Variants in ZFR2 observed in about 807,000 individuals in gnomAD.
ZFR2 encodes zinc finger RNA binding protein 2.
A neutral mutation model predicts 105.7 loss-of-function variants in ZFR2; 104 were observed. The observed-to-expected ratio is 0.98, with a 90% CI of 0.84 to 1.16. The LOEUF (loss-of-function observed/expected upper bound fraction) is 1.16, where lower values mean the gene tolerates loss of function less well. Ranked by LOEUF, ZFR2 falls within the 50% of genes most tolerant of loss-of-function variation. ZFR2 has a pLI of 0.00. For synonymous variants in ZFR2, 634 were observed against 597.7 expected, an observed-to-expected ratio of 1.06 and a Z score of -0.89; for missense variants, 1,425 against 1,355.5, an observed-to-expected ratio of 1.05 and a Z score of -0.80.
In ZFR2 at chr19:3,834,023, T is replaced by G. The variant is rs997060043; in HGVS notation, c.265-245A>C. 2.0e-5 allele frequency among the ~76,000 whole-genome samples: 3 copies of G among 152,112 alleles called. No homozygotes were observed. Among genetic ancestry groups the G allele is most frequent in the Non-Finnish European group, 4.4e-5 (3 of 68,004 alleles). On this transcript the variant is annotated intron_variant, in intron 2 of 18. Coordinates refer to ENST00000262961, the MANE Select transcript of ZFR2 (RefSeq NM_015174.2). This position sits in a 1 kb window ranked among gnomAD's most constrained non-coding sequence, Gnocchi z 5.3. The stretch of plus-strand genomic sequence containing the variant: ...CGACACTAATTTCCAAGAGTTCGAC[T>G]GCAATTTACAAGAGGACGCTTGGTG...
In ZFR2 at chr19:3,805,959, C is replaced by T; in HGVS notation, c.2810G>A (p.Gly937Glu). 6.5e-7 allele frequency: 1 copy of T among 1,535,070 alleles called. No individual in the cohort carries two copies. The change falls in exon 19 of 19, where the codon GGG (glycine) becomes GAG (glutamate). Residue 937 changes from glycine (G) to glutamate (E), a missense_variant. Coordinates refer to ENST00000262961, the MANE Select transcript of ZFR2 (RefSeq NM_015174.2). ...GGGGAGGTAGGCGGCTCACACGAGC[C>T]CCTCTCCGCCCCGCCGGCCCCGCTT... The part of the protein sequence containing the change: ...EKKRGRRGGE[G>E]LV
chr19:3,863,037 C>T (rs77033072), intron 1 of ZFR2, among the ~76,000 whole-genome samples: 4,067 of 152,270 alleles, frequency 0.027, 169 homozygotes, highest in African/African-American at 0.093. Context: ...CCCAAGGTGG[C>T]GACATCGGAC....
rs1194241648 is a variant in ZFR2, at chr19:3,806,009, C to G, written c.2760G>C (p.Glu920Asp). Reference protein sequence around the residue: ...RFRKRQRGPGEGEEGAGEKKR... With the variant: ...RFRKRQRGPGDGEEGAGEKKR... ...TCTTCTCCCCTGCGCCCTCCTCTCC[C>G]TCGCCAGGTCCCCGTTGCCTCTTCC... is the stretch of plus-strand genomic sequence containing the variant. Residue 920 changes from glutamate (E) to aspartate (D), a missense_variant, in exon 19 of 19, where the codon GAG (glutamate) becomes GAC (aspartate). Physicochemically the swap from Glu to Asp is conservative, Grantham distance 45. Transcript: ENST00000262961. 7 of 1,546,894 alleles carry G rather than the reference C, an allele frequency of 4.5e-6. No homozygotes were observed. The highest frequency in any genetic ancestry group is 6.1e-6 in the Non-Finnish European group (7 of 1,147,998).
At chr19:3,843,169 C>T (rs1455296809) in intron 1 of ZFR2, among the ~76,000 whole-genome samples, 10 of 152,316 alleles carry the variant, frequency 6.6e-5, no homozygotes, top group South Asian at 2.1e-4. Context: ...GCAACCCAAC[C>T]GTCCATCAGT....
chr19:3,822,339 G>T (rs2145148846), intron 8 of ZFR2, 139 bp from the exon 9 acceptor site: 2 of 1,381,130 alleles, frequency 1.4e-6, no homozygotes, highest in South Asian at 2.8e-5. Flanking sequence ...ACAGCGTCTT[G>T]CTGTGTCACC....
intron 1 of ZFR2, chr19:3,855,529 C>G: frequency 9.2e-7 from 1 of 1,092,592 alleles, no homozygotes; most frequent in East Asian, 3.2e-5. Context: ...CGGGGAATAA[C>G]CAGACCAAAG....
chr19:3,811,484 T>A, intron 14 of ZFR2, 118 bp from the exon 15 acceptor site: 4 of 866,836 alleles, frequency 4.6e-6, no homozygotes, highest in Non-Finnish European at 7.0e-6. Flanking sequence ...AGACACAGTT[T>A]CACTGTGTCA....
At chr19:3,821,602 GC>G in intron 9 of ZFR2, 123 bp from the exon 10 acceptor site, 1 of 450,104 alleles carries the variant, frequency 2.2e-6, no homozygotes, top group South Asian at 6.8e-5. Context: ...ATCTCCCAAA[GC>G]CTTTTTTTTT....
chr19:3,825,374 T>C lies in ZFR2; in HGVS notation c.1069A>G (p.Ile357Val), dbSNP rs2037938158. 2 of 1,589,044 alleles carry C rather than the reference T, an allele frequency of 1.3e-6. No homozygotes were observed. The highest frequency in any genetic ancestry group is 2.3e-5 in the South Asian group (2 of 87,404). ...GCCAGTGCAGGCTCGAGGGTGGGAATGGGCTTCCCCAGTTTGGCGTGCAGC... is the reference window on the plus strand; with the variant it reads ...GCCAGTGCAGGCTCGAGGGTGGGAACGGGCTTCCCCAGTTTGGCGTGCAGC... ...FKLHAKLGKP[I>V]PTLEPALATE... is the part of the protein sequence containing the mutation. Residue 357 changes from isoleucine to valine, a missense_variant, in exon 7 of 19, where the codon ATT (isoleucine) becomes GTT (valine). Transcript: ENST00000262961.
In ZFR2 at chr19:3,825,499, G is replaced by A. The variant is rs1008598949; in HGVS notation, c.1036-92C>T. On this transcript the variant is annotated intron_variant, in intron 6 of 18. Transcript: ENST00000262961. ...CAGGAAGGGCCTCCACGGGCGTGCA[G>A]CGCGAGTGTGGGCTGGCCGGTCCCA... The A allele has an allele frequency of 1.9e-5, 28 of 1,470,330 alleles. 2 individuals carry two copies. The South Asian group carries it at 3.6e-4, about 19-fold the overall frequency. The allele number at this position is 1,470,330 out of a possible 1,614,324, so 91.1% of individuals were successfully genotyped here.
intron 1 of ZFR2, among the ~76,000 whole-genome samples, chr19:3,854,789 G>C (rs1303140790): frequency 2.0e-5 from 3 of 152,088 alleles, no homozygotes; most frequent in Non-Finnish European, 4.4e-5. Flanking sequence ...TAAGAGACAG[G>C]GTCTCGCTCT....
chr19:3,811,458 CG>C (rs201194156), intron 14 of ZFR2, 92 bp from the exon 15 acceptor site: 54,859 of 998,764 alleles, frequency 0.055, 367 homozygotes, highest in East Asian at 0.089. Flanking sequence ...GGCCCCTCGA[CG>C]CTTTTTTTTT....
chr19:3,827,034 G>A (rs1446587157), intron 6 of ZFR2, among the ~76,000 whole-genome samples: 2 of 152,034 alleles, frequency 1.3e-5, no homozygotes, highest in Non-Finnish European at 2.9e-5. Flanking sequence ...TTGAGGTCAG[G>A]AGTTCGAGAC....
At position 3,819,284 on chromosome 19, in the gene ZFR2, G is replaced by C. The variant is rs142757955; in HGVS notation, c.1741-49C>G. On this transcript the variant is annotated intron_variant, in intron 11 of 18. Coordinates refer to ENST00000262961, the MANE Select transcript of ZFR2 (RefSeq NM_015174.2). ...CAAGGGTGGTCTGTGGGGACCCTTG[G>C]GGAGTGCTGGGCAGGCGGGCAGGTG... 2,935 of 1,431,648 alleles carry C rather than the reference G, an allele frequency of 2.1e-3. 4 individuals carry two copies. The highest frequency in any genetic ancestry group is 4.1e-3 in the South Asian group (283 of 69,244). 88.7% of individuals were successfully genotyped at this position (1,431,648 alleles called of 1,614,324 possible). A position where few individuals can be genotyped will look rare whatever the true frequency, so the allele number is the denominator to read the frequency against.
chr19:3,812,169 C>T (rs1170308375), intron 14 of ZFR2, among the ~76,000 whole-genome samples: 1 of 152,140 alleles, frequency 6.6e-6, no homozygotes. Context: ...ATCTCGAACC[C>T]CTCACCTCAG....
intron 1 of ZFR2, among the ~76,000 whole-genome samples, chr19:3,849,133 C>T (rs1408111375): frequency 6.6e-6 from 1 of 152,216 alleles, no homozygotes; most frequent in East Asian, 1.9e-4. Context: ...GAGACCTTGC[C>T]CCTCCAACCT....
intron 1 of ZFR2, among the ~76,000 whole-genome samples, chr19:3,851,125 C>T (rs947900036): frequency 1.3e-5 from 2 of 151,968 alleles, no homozygotes; most frequent in African/African-American, 4.8e-5. Context: ...GAAGCCCCAG[C>T]CGACCAAGAC....
In ZFR2 at chr19:3,811,336, T is replaced by C. The variant is rs1160656782; in HGVS notation, c.2273A>G (p.Asp758Gly). 18 of 1,603,018 alleles carry C rather than the reference T, an allele frequency of 1.1e-5. No homozygotes were observed. Among genetic ancestry groups the C allele is most frequent in the Non-Finnish European group, 1.5e-5 (18 of 1,175,542 alleles). ...GAGGCACTTCTTGGGGCTCAGGACA[T>C]CACCTGCATCAGCCTGAGGCTCCTC... ...GVEEPQADAG[D>G]VLSPKKCLES... The change falls in exon 15 of 19, where the codon GAT (aspartate) becomes GGT (glycine). Residue 758 changes from aspartate (D) to glycine (G), a missense_variant. Coordinates refer to ENST00000262961, the MANE Select transcript of ZFR2 (RefSeq NM_015174.2).
Position 3,834,773 on chromosome 19 carries a change from C to T in ZFR2, c.264G>A (p.Gln88=), listed in dbSNP as rs368376498. 1.2e-6 allele frequency: 2 copies of T among 1,611,506 alleles called. No individual in the cohort carries two copies. The highest frequency in any genetic ancestry group is 2.7e-5 in the African/African-American group (2 of 74,896). Residue 88 remains glutamine, a splice_region_variant and synonymous_variant, in exon 2 of 19, where the codon CAG becomes CAA. Coordinates refer to ENST00000262961, the MANE Select transcript of ZFR2 (RefSeq NM_015174.2). This position sits in a 1 kb window ranked among gnomAD's most constrained non-coding sequence, Gnocchi z 5.3. Reference sequence around the variant, plus strand: ...GCTGGTCAAAGAAAGGACTGGATACCTGGTAGGTAGCCATGGTGGTGGCCG... The same window carrying T: ...GCTGGTCAAAGAAAGGACTGGATACTTGGTAGGTAGCCATGGTGGTGGCCG... The part of the protein sequence containing the change: ...VPTATTMATY[Q]DSYSYGQSAA...
Sources: gnomAD v4.1 joint callset for allele counts (sites outside exome capture counted in the v4.1 genomes callset) on GRCh38, gnomAD v4.1.1 for gene constraint, Gnocchi (gnomAD v3.1) non-coding constraint, MANE v1.5 for transcripts, NCBI Gene and HGNC (gene_info 2026-07-23, HGNC 2026-07-21) for gene names.